RFX8: variants seen among roughly 807,000 people sequenced by gnomAD.
RFX8 encodes regulatory factor X8.
RFX8 carries 46 observed loss-of-function variants against 54.6 expected under a neutral mutation model. That is an observed-to-expected ratio of 0.84 (90% confidence interval 0.67 to 1.08). The LOEUF (loss-of-function observed/expected upper bound fraction) is 1.08, where lower values mean the gene tolerates loss of function less well. Ranked by LOEUF, RFX8 falls within the 50% of genes least tolerant of loss-of-function variation. The probability of loss-of-function intolerance (pLI) is 0.00; values close to 1 mark genes in which losing one functional copy is unlikely to be tolerated. For synonymous variants in RFX8, 192 were observed against 209.5 expected (o/e 0.92, Z 0.72); for missense variants, 536 against 562.3 (o/e 0.95, Z 0.47).
At chr2:101,404,565 G>C (rs550023953) in intron 10 of RFX8, among the ~76,000 whole-genome samples, 31 of 151,680 alleles carry the variant, frequency 2.0e-4, no homozygotes, top group African/African-American at 7.5e-4. Context: ...CAAGTAGCTG[G>C]AACTACTGGG....
intron 11 of RFX8, among the ~76,000 whole-genome samples, chr2:101,400,580 CA>C (rs1229033283): frequency 6.6e-6 from 1 of 152,220 alleles, no homozygotes; most frequent in Non-Finnish European, 1.5e-5. Context: ...TCCCCGGTTG[CA>C]AAAGCCCTGT....
At chr2:101,398,210 C>T (rs909441964) in intron 11 of RFX8, among the ~76,000 whole-genome samples, 1 of 152,174 alleles carries the variant, frequency 6.6e-6, no homozygotes, top group African/African-American at 2.4e-5. Flanking sequence ...ACTCAGGGTC[C>T]AGTGAGGACT....
chr2:101,473,382 G>A (rs1201851959), intron 1 of RFX8, among the ~76,000 whole-genome samples: 1 of 152,136 alleles, frequency 6.6e-6, no homozygotes, highest in Non-Finnish European at 1.5e-5. Flanking sequence ...GAAAAACGCT[G>A]TGTACTTCAG....
intron 2 of RFX8, among the ~76,000 whole-genome samples, chr2:101,456,456 A>G (rs1031914248): frequency 3.9e-5 from 6 of 152,186 alleles, no homozygotes; most frequent in Non-Finnish European, 5.9e-5. Context: ...CCTTTTCTGC[A>G]TCTATTGAGA....
chr2:101,454,598 G>A (rs191144806), intron 2 of RFX8, among the ~76,000 whole-genome samples: 5 of 152,236 alleles, frequency 3.3e-5, no homozygotes, highest in African/African-American at 9.6e-5. Flanking sequence ...TCTAACCAGC[G>A]TAAGATGATA....
At chr2:101,438,944 T>C (rs1687934152) in intron 2 of RFX8, among the ~76,000 whole-genome samples, 1 of 152,168 alleles carries the variant, frequency 6.6e-6, no homozygotes, top group African/African-American at 2.4e-5. Flanking sequence ...CCAGAGTAGC[T>C]GGGATTACAG....
rs1254661315 is a variant in RFX8, at chr2:101,412,970, G to A, written c.663C>T (p.Ala221=). ...CTGCGCCACTCCGGTCACTTGCCAG[G>A]GCTTTCTTAGAAGTAGCCAAAGTGC... The part of the protein sequence containing the change: ...NQGTLATSKK[A]LASDRSGADE... The change falls in exon 8 of 12, where the codon GCC becomes GCT. Residue 221 remains alanine, a synonymous_variant. Coordinates refer to ENST00000428343, the MANE Select transcript of RFX8 (RefSeq NM_001145664.2). The A allele has an allele frequency of 1.2e-5, 18 of 1,551,698 alleles. No homozygotes were observed. Among genetic ancestry groups the A allele is most frequent in the Non-Finnish European group, 1.5e-5 (17 of 1,147,004 alleles).
intron 2 of RFX8, among the ~76,000 whole-genome samples, chr2:101,462,301 A>G (rs2175964): frequency 0.34 from 52,054 of 152,002 alleles, 9,569 homozygotes; most frequent in African/African-American, 0.43. Context: ...GTGTGGTGGC[A>G]CACGTGTAGT....
chr2:101,407,100 T>C (rs898183023), intron 9 of RFX8, among the ~76,000 whole-genome samples: 1 of 152,232 alleles, frequency 6.6e-6, no homozygotes, highest in Admixed American at 6.5e-5. Context: ...CCTCTTCTCA[T>C]CCTCAGTCAC....
intron 2 of RFX8, among the ~76,000 whole-genome samples, chr2:101,457,539 G>T (rs1319059171): frequency 1.3e-5 from 2 of 152,136 alleles, no homozygotes; most frequent in Non-Finnish European, 2.9e-5. Context: ...TCTTATTCCT[G>T]AGTTCTAATT....
At chr2:101,426,254 C>T (rs1287958931) in intron 2 of RFX8, among the ~76,000 whole-genome samples, 1 of 149,722 alleles carries the variant, frequency 6.7e-6, no homozygotes, top group Non-Finnish European at 1.5e-5. Flanking sequence ...AATCCCAGAA[C>T]TTTTGGAGGC....
At chr2:101,461,240 G>A (rs1371659289) in intron 2 of RFX8, among the ~76,000 whole-genome samples, 2 of 136,950 alleles carry the variant, frequency 1.5e-5, no homozygotes, top group Non-Finnish European at 3.1e-5. Flanking sequence ...CCCAGCCCGG[G>A]CGACAGAGTG....
intron 2 of RFX8, among the ~76,000 whole-genome samples, chr2:101,461,071 A>G (rs563464905): frequency 6.6e-6 from 1 of 151,620 alleles, no homozygotes; most frequent in Admixed American, 6.6e-5. Flanking sequence ...GATCGAGACC[A>G]TCCTGGTTAA....
At chr2:101,432,152 A>G (rs533616798) in intron 2 of RFX8, among the ~76,000 whole-genome samples, 1 of 152,318 alleles carries the variant, frequency 6.6e-6, no homozygotes, top group South Asian at 2.1e-4. Context: ...CCCTAATTTA[A>G]GAGACTGGCT....
At chr2:101,447,220 G>A (rs370363598) in intron 2 of RFX8, among the ~76,000 whole-genome samples, 11 of 151,824 alleles carry the variant, frequency 7.2e-5, no homozygotes, top group Non-Finnish European at 1.6e-4. Flanking sequence ...TCTGAACAAC[G>A]GCAGCAGCCC....
In RFX8 at chr2:101,462,284, T is replaced by C. The variant is rs140870328; in HGVS notation, c.72+4493A>G. Among the ~76,000 whole-genome samples, 115 of 152,032 alleles carry C rather than the reference T, an allele frequency of 7.6e-4. 1 individual carries two copies. The highest frequency in any genetic ancestry group is 2.7e-3 in the African/African-American group (112 of 41,464). ...CTCTGCAAACAAAACAAAACAAAATTAACCAGGTGTGGTGGCACACGTGTA... is the reference window on the plus strand; with the variant it reads ...CTCTGCAAACAAAACAAAACAAAATCAACCAGGTGTGGTGGCACACGTGTA... On this transcript the variant is annotated intron_variant, in intron 2 of 11. Transcript: ENST00000428343.
chr2:101,464,570 C>A (rs1429178968), intron 2 of RFX8, among the ~76,000 whole-genome samples: 2 of 152,186 alleles, frequency 1.3e-5, no homozygotes, highest in African/African-American at 4.8e-5. Context: ...CTCCCTTCTC[C>A]ATTTAGTCAC....
chr2:101,423,321 G>C (rs947607996), intron 2 of RFX8, among the ~76,000 whole-genome samples: 1 of 151,380 alleles, frequency 6.6e-6, no homozygotes. Flanking sequence ...TGGCATGGCA[G>C]AAAGCAAGTG....
chr2:101,407,762 G>A (rs1415349770), intron 9 of RFX8, among the ~76,000 whole-genome samples: 1 of 151,940 alleles, frequency 6.6e-6, no homozygotes, highest in East Asian at 1.9e-4. Flanking sequence ...GAGTGACCAG[G>A]GCTTTCTCTG....
Sources: gnomAD v4.1 joint callset for allele counts (sites outside exome capture counted in the v4.1 genomes callset) on GRCh38, gnomAD v4.1.1 for gene constraint, MANE v1.5 for transcripts, NCBI Gene and HGNC (gene_info 2026-07-23, HGNC 2026-07-21) for gene names.